The following DRC11L variants were observed in gnomAD, a reference collection of about 807,000 sequenced individuals.
DRC11L encodes dynein regulatory complex subunit like-11.
the DRC11L span, among the ~76,000 whole-genome samples, chr7:151,204,258 C>A: frequency 1.3e-5 from 2 of 152,190 alleles, no homozygotes; most frequent in African/African-American, 4.8e-5. Flanking sequence ...GTTCCTGAAG[C>A]CCTTCCTACA....
chr7:151,196,568 A>G, the DRC11L span: 4 of 399,588 alleles, frequency 1.0e-5, no homozygotes, highest in African/African-American at 6.2e-5. Context: ...ACCGCAGAGA[A>G]TGGATGGATG....
the DRC11L span, chr7:151,193,620 C>A: frequency 3.6e-4 from 142 of 398,338 alleles, no homozygotes; most frequent in African/African-American, 2.8e-3. Flanking sequence ...GGGCATACTA[C>A]CTTCCCCAAC....
chr7:151,195,204 G>A, the DRC11L span, among the ~76,000 whole-genome samples: 2 of 152,172 alleles, frequency 1.3e-5, no homozygotes, highest in Non-Finnish European at 2.9e-5. Context: ...ATCTCGCTCT[G>A]CATCTCACGT....
chr7:151,191,755 C>T, the DRC11L span: 5 of 399,050 alleles, frequency 1.3e-5, no homozygotes, highest in East Asian at 1.1e-4. Flanking sequence ...CACTCAGCAC[C>T]GATTGGATGG....
At chr7:151,199,910 T>C in the DRC11L span, among the ~76,000 whole-genome samples, 3 of 152,242 alleles carry the variant, frequency 2.0e-5, no homozygotes, top group Non-Finnish European at 4.4e-5. This position sits in a 1 kb window ranked among gnomAD's most constrained non-coding sequence, Gnocchi z 5.2. Flanking sequence ...CTACTCACTT[T>C]GGCCAGGCAC....
chr7:151,194,291 C>T, the DRC11L span: 15 of 399,066 alleles, frequency 3.8e-5, no homozygotes, highest in East Asian at 1.1e-4. Flanking sequence ...CACATTCTGT[C>T]GTATGTCAAA....
chr7:151,193,230 C>T, the DRC11L span: 1 of 398,976 alleles, frequency 2.5e-6, no homozygotes, highest in East Asian at 3.6e-5. Context: ...ACCTCAAAGC[C>T]CCCCTCCTTT....
chr7:151,193,302 T>C, the DRC11L span: 1 of 399,510 alleles, frequency 2.5e-6, no homozygotes, highest in East Asian at 3.6e-5. Flanking sequence ...TTAAAGACTA[T>C]ATGCACCATC....
the DRC11L span, chr7:151,199,147 C>A: frequency 4.3e-5 from 17 of 397,658 alleles, no homozygotes; most frequent in Non-Finnish European, 7.1e-5. This position sits in a 1 kb window ranked among gnomAD's most constrained non-coding sequence, Gnocchi z 5.2. Context: ...ACACACACAC[C>A]CACACGGAAC....
the DRC11L span, among the ~76,000 whole-genome samples, chr7:151,204,039 A>G: frequency 2.0e-5 from 3 of 152,214 alleles, no homozygotes; most frequent in Non-Finnish European, 2.9e-5. Context: ...CTTGATAAAA[A>G]TGCAGGTGCA....
the DRC11L span, chr7:151,197,351 T>G: frequency 2.5e-6 from 1 of 398,978 alleles, no homozygotes; most frequent in African/African-American, 2.1e-5. Context: ...CCCAAGACAT[T>G]TCAGAGAAGA....
chr7:151,193,132 G>A, the DRC11L span: 3 of 397,646 alleles, frequency 7.5e-6, no homozygotes, highest in South Asian at 4.3e-4. Flanking sequence ...GGGGCTGCAG[G>A]GGGAACCCAA....
chr7:151,197,574 T>G, the DRC11L span, among the ~76,000 whole-genome samples: 1 of 152,188 alleles, frequency 6.6e-6, no homozygotes, highest in Non-Finnish European at 1.5e-5. Context: ...CTGTTCTCTC[T>G]TGGGCCACGG....
the DRC11L span, among the ~76,000 whole-genome samples, chr7:151,195,199 G>A: frequency 3.7e-4 from 56 of 152,254 alleles, no homozygotes; most frequent in African/African-American, 1.0e-3. Context: ...TTGAGATCTC[G>A]CTCTGCATCT....
the DRC11L span, among the ~76,000 whole-genome samples, chr7:151,199,719 G>A: frequency 6.6e-6 from 1 of 152,218 alleles, no homozygotes; most frequent in African/African-American, 2.4e-5. This position sits in a 1 kb window ranked among gnomAD's most constrained non-coding sequence, Gnocchi z 5.2. Context: ...CCCCAGCCCA[G>A]CCCCCTCCTC....
chr7:151,195,956 C>A, the DRC11L span: 7 of 284,164 alleles, frequency 2.5e-5, no homozygotes, highest in South Asian at 1.0e-3. Context: ...CCGAAGATCC[C>A]CCGCTGAGGT....
the DRC11L span, chr7:151,196,680 G>C: frequency 7.5e-6 from 3 of 398,314 alleles, no homozygotes; most frequent in Non-Finnish European, 1.3e-5. Flanking sequence ...CACAGGTCAG[G>C]AGCCAGGCCC....
chr7:151,201,396 A>G, the DRC11L span, among the ~76,000 whole-genome samples: 8 of 152,204 alleles, frequency 5.3e-5, no homozygotes, highest in Non-Finnish European at 1.5e-5. This position sits in a 1 kb window ranked among gnomAD's most constrained non-coding sequence, Gnocchi z 4.1. Context: ...TTTGGTCTAC[A>G]GGGGAAGTGG....
chr7:151,195,121 A>C, the DRC11L span, among the ~76,000 whole-genome samples: 6 of 152,188 alleles, frequency 3.9e-5, no homozygotes, highest in African/African-American at 1.4e-4. Context: ...GCAGAGACAG[A>C]GCTGGTTAAG....
Sources: allele counts gnomAD v4.1 joint callset (sites outside exome capture counted in the v4.1 genomes callset), GRCh38; gene constraint gnomAD v4.1.1; non-coding constraint Gnocchi (gnomAD v3.1); transcripts MANE v1.5; gene names NCBI Gene and HGNC (gene_info 2026-07-23, HGNC 2026-07-21).